ACOX3: variants seen among roughly 807,000 people sequenced by gnomAD.
The protein encoded by ACOX3 is peroxisomal acyl-coenzyme A oxidase 3.
ACOX3 carries 73 observed loss-of-function variants against 81.5 expected under a neutral mutation model. The observed-to-expected ratio is 0.90, with a 90% CI of 0.74 to 1.09. The LOEUF (loss-of-function observed/expected upper bound fraction) is 1.09. ACOX3 is among the 50% of genes least tolerant of loss of function. The probability of loss-of-function intolerance (pLI) is 0.00; values close to 1 mark genes in which losing one functional copy is unlikely to be tolerated. For synonymous variants in ACOX3, 387 were observed against 375.1 expected, an observed-to-expected ratio of 1.03 and a Z score of -0.37; for missense variants, 947 against 928.0, an observed-to-expected ratio of 1.02 and a Z score of -0.27.
chr4:8,384,689 T>C lies in ACOX3; in HGVS notation c.1538-3082A>G, dbSNP rs1191308792. Among the ~76,000 whole-genome samples the C allele has an allele frequency of 1.3e-5, 2 of 152,272 alleles. No homozygotes were observed. The highest frequency in any genetic ancestry group is 1.3e-4 in the Admixed American group (2 of 15,304). On this transcript the variant is annotated intron_variant, in intron 13 of 17. Transcript: ENST00000356406. The surrounding 1 kb of genome is among the most constrained non-coding windows in gnomAD (Gnocchi z 5.3). ...AGCTCTTCGCATGCACTGCCTGCCT[T>C]TCGGGTCTCGGTTTCCTCTCCCGTC...
chr4:8,383,792 C>T (rs1430643378), intron 13 of ACOX3, among the ~76,000 whole-genome samples: 1 of 152,198 alleles, frequency 6.6e-6, no homozygotes, highest in Non-Finnish European at 1.5e-5. Context: ...GCCCTTGTGA[C>T]CACCGCCTGT....
chr4:8,423,174 G>T lies in ACOX3; in HGVS notation c.-14-6639C>A, dbSNP rs1477160885. ...GGGGTCCTAGGATAGGCAGTCACTAGATACTTCTCCCAGCCACTAAGTTGT... is the reference window on the plus strand; with the variant it reads ...GGGGTCCTAGGATAGGCAGTCACTATATACTTCTCCCAGCCACTAAGTTGT... On this transcript the variant is annotated intron_variant, in intron 1 of 17. Transcript: ENST00000356406. This position sits in a 1 kb window ranked among gnomAD's most constrained non-coding sequence, Gnocchi z 4.2. Among the ~76,000 whole-genome samples, 2 of 152,162 alleles carry T rather than the reference G, an allele frequency of 1.3e-5. No individual in the cohort carries two copies. The highest frequency in any genetic ancestry group is 1.3e-4 in the Admixed American group (2 of 15,278).
rs1478662144 is a variant in ACOX3, at chr4:8,382,985, C to T, written c.1538-1378G>A. 8.6e-5 allele frequency among the ~76,000 whole-genome samples: 10 copies of T among 116,220 alleles called. No homozygotes were observed. The highest frequency in any genetic ancestry group is 6.3e-4 in the South Asian group (2 of 3,186). 76.2% of individuals were successfully genotyped at this position (116,220 alleles called of 152,430 possible). On this transcript the variant is annotated intron_variant, in intron 13 of 17. Coordinates refer to ENST00000356406, the MANE Select transcript of ACOX3 (RefSeq NM_003501.3). This position sits in a 1 kb window ranked among gnomAD's most constrained non-coding sequence, Gnocchi z 4.1. The stretch of plus-strand genomic sequence containing the variant: ...CAGCCTGGGCGACAGAGCGAGACTC[C>T]GTCTCAAAAAAAAAAAAAAAAGAAA...
chr4:8,360,540 C>T, the ACOX3 span, among the ~76,000 whole-genome samples: 3 of 150,720 alleles, frequency 2.0e-5, no homozygotes, highest in Non-Finnish European at 4.4e-5. Context: ...GGTGCGATCT[C>T]GGCTCATTGC....
rs1441293150 is a variant in ACOX3, at chr4:8,423,340, C to G, written c.-14-6805G>C. On this transcript the variant is annotated intron_variant, in intron 1 of 17. Transcript: ENST00000356406. The surrounding 1 kb of genome is among the most constrained non-coding windows in gnomAD (Gnocchi z 4.2). ...GAGAAGGAACACCGTTTGCTGTCCC[C>G]TACTTGAGGAAGGAATTAATCCTGA... is the stretch of plus-strand genomic sequence containing the variant. 6.6e-6 allele frequency among the ~76,000 whole-genome samples: 1 copy of G among 152,126 alleles called. No individual in the cohort carries two copies. Among genetic ancestry groups the G allele is most frequent in the Non-Finnish European group, 1.5e-5 (1 of 68,030 alleles).
rs1720894812 is a variant in ACOX3 at position 8,405,965 on chromosome 4, G to C, written c.766C>G (p.Leu256Val). ...GCCTCTGTCACTCACCCATTATCCA[G>C]ACCGTTCTGCCCGAGTTTTTTTCCT... ...DIGKKLGQNG[L>V]DNGFAMFHKV... The change falls in exon 7 of 18, where the codon CTG becomes GTG. Residue 256 changes from leucine to valine, a missense_variant. Coordinates refer to ENST00000356406, the MANE Select transcript of ACOX3 (RefSeq NM_003501.3). The surrounding 1 kb of genome is among the most constrained non-coding windows in gnomAD (Gnocchi z 7.1). 1.2e-5 allele frequency: 20 copies of C among 1,614,136 alleles called. No homozygotes were observed. The highest frequency in any genetic ancestry group is 1.7e-5 in the Non-Finnish European group (20 of 1,180,012).
Position 8,385,045 on chromosome 4 carries a change from C to T in ACOX3, c.1538-3438G>A, listed in dbSNP as rs999723806. 6.6e-6 allele frequency among the ~76,000 whole-genome samples: 1 copy of T among 152,156 alleles called. No individual in the cohort carries two copies. The highest frequency in any genetic ancestry group is 2.4e-5 in the African/African-American group (1 of 41,434). On this transcript the variant is annotated intron_variant, in intron 13 of 17. Transcript: ENST00000356406. This position sits in a 1 kb window ranked among gnomAD's most constrained non-coding sequence, Gnocchi z 5.5. The stretch of plus-strand genomic sequence containing the variant: ...ACGCAGCAGCCCCCCACCGAGGGCA[C>T]CATGGCCTGGCCCCTGCCAGGTGGC...
At chr4:8,401,758 G>A (rs1441621238) in intron 7 of ACOX3, among the ~76,000 whole-genome samples, 20 of 151,984 alleles carry the variant, frequency 1.3e-4, no homozygotes, top group Non-Finnish European at 1.5e-5. Context: ...CAGCATCACC[G>A]CCTTGCCATG....
intron 8 of ACOX3, among the ~76,000 whole-genome samples, chr4:8,398,887 ATTTTTAAT>A (rs1347488714): frequency 6.6e-6 from 1 of 152,164 alleles, no homozygotes; most frequent in East Asian, 1.9e-4. Context: ...CCAATCATTT[ATTTTTAAT>A]TGATGTTGGA....
chr4:8,373,906 T>C (rs1448915637), intron 15 of ACOX3: 3 of 519,012 alleles, frequency 5.8e-6, no homozygotes, highest in Non-Finnish European at 1.0e-5. Context: ...AGGTGGCCGC[T>C]GGGCTCATAC....
chr4:8,421,561 G>C (rs1722951606), intron 1 of ACOX3, among the ~76,000 whole-genome samples: 1 of 152,204 alleles, frequency 6.6e-6, no homozygotes, highest in Admixed American at 6.5e-5. Flanking sequence ...TCTTGAAAGT[G>C]TAGCCCCAAA....
Position 8,415,843 on chromosome 4 carries a change from G to C in ACOX3, c.301C>G (p.Leu101Val), listed in dbSNP as rs546340815. 3 of 1,614,204 alleles carry C rather than the reference G, an allele frequency of 1.9e-6. No individual in the cohort carries two copies. The highest frequency in any genetic ancestry group is 1.7e-5 in the Admixed American group (1 of 60,024). ...CACTGAATCAAGGCGGGGACCTTCA[G>C]AGGGCTCTTGAACATGTCTTCGACA... ...LSVEDMFKSP[L>V]KVPALIQCLG... The change falls in exon 3 of 18, where the codon CTG becomes GTG. Residue 101 changes from leucine to valine, a missense_variant. By Grantham distance (32) the Leu-to-Val change is conservative. Coordinates refer to ENST00000356406, the MANE Select transcript of ACOX3 (RefSeq NM_003501.3).
At position 8,431,689 on chromosome 4, in the gene ACOX3, G is replaced by A. The variant is rs1723962619; in HGVS notation, c.-15+8959C>T. On this transcript the variant is annotated intron_variant, in intron 1 of 17. Transcript: ENST00000356406. The surrounding 1 kb of genome is among the most constrained non-coding windows in gnomAD (Gnocchi z 5.3). The stretch of plus-strand genomic sequence containing the variant: ...CCCCTAGTGTGAACAGTAGGGGTGG[G>A]GTGAGTGTCATCAGTAACTCAGTGG... 6.6e-6 allele frequency among the ~76,000 whole-genome samples: 1 copy of A among 152,206 alleles called. No individual in the cohort carries two copies.
chr4:8,363,379 TTG>T (rs1421857238), downstream of ACOX3, among the ~76,000 whole-genome samples: 1 of 152,206 alleles, frequency 6.6e-6, no homozygotes, highest in African/African-American at 2.4e-5. Flanking sequence ...ATATCACCTT[TTG>T]TGAGAACTCA....
Position 8,389,119 on chromosome 4 carries a change from G to T in ACOX3, c.1537+54C>A. 3.4e-6 allele frequency: 5 copies of T among 1,484,766 alleles called. No individual in the cohort carries two copies. The highest frequency in any genetic ancestry group is 4.7e-6 in the Non-Finnish European group (5 of 1,068,100). The allele number at this position is 1,484,766 out of a possible 1,614,324, so 92.0% of individuals were successfully genotyped here. A position where few individuals can be genotyped will look rare whatever the true frequency, so the allele number is the denominator to read the frequency against. On this transcript the variant is annotated intron_variant, in intron 13 of 17. Coordinates refer to ENST00000356406, the MANE Select transcript of ACOX3 (RefSeq NM_003501.3). This position sits in a 1 kb window ranked among gnomAD's most constrained non-coding sequence, Gnocchi z 5.3. ...TCACCGAGGCACGGTGCGTTTCCTG[G>T]TGGGAATGACAGGAAATCAGGAGGC... is the stretch of plus-strand genomic sequence containing the variant.
intron 14 of ACOX3, among the ~76,000 whole-genome samples, chr4:8,379,657 G>A (rs1290919857): frequency 1.3e-5 from 2 of 152,226 alleles, no homozygotes; most frequent in African/African-American, 2.4e-5. Context: ...GGGCTGGAAG[G>A]GGGTGCTAAG....
chr4:8,403,376 G>T (rs1336371989), intron 7 of ACOX3, among the ~76,000 whole-genome samples: 1 of 152,180 alleles, frequency 6.6e-6, no homozygotes, highest in Non-Finnish European at 1.5e-5. Context: ...AGACCCTCCA[G>T]CCCTGGATGG....
intron 9 of ACOX3, among the ~76,000 whole-genome samples, chr4:8,395,389 C>T (rs2108883105): frequency 1.8e-5 from 1 of 54,498 alleles, no homozygotes; most frequent in African/African-American, 7.9e-5. Flanking sequence ...GATGCGTGGA[C>T]AGGTGGGGGG....
intron 1 of ACOX3, among the ~76,000 whole-genome samples, chr4:8,427,264 C>G (rs1723585711): frequency 6.6e-6 from 1 of 152,222 alleles, no homozygotes; most frequent in Non-Finnish European, 1.5e-5. Context: ...TAAACCCAGG[C>G]ATTCAAGCCG....
Sources: gnomAD v4.1 joint callset for allele counts (sites outside exome capture counted in the v4.1 genomes callset) on GRCh38, gnomAD v4.1.1 for gene constraint, Gnocchi (gnomAD v3.1) non-coding constraint, MANE v1.5 for transcripts, NCBI Gene and HGNC (gene_info 2026-07-23, HGNC 2026-07-21) for gene names.